ATP1B3: variants seen among roughly 807,000 people sequenced by gnomAD.
The protein encoded by ATP1B3 is sodium/potassium-transporting ATPase subunit beta-3.
Under a neutral mutation model 30.2 loss-of-function variants are expected in ATP1B3, and 10 were observed. The observed-to-expected ratio is 0.33, with a 90% confidence interval of 0.20 to 0.56. The LOEUF (loss-of-function observed/expected upper bound fraction) is 0.56, where lower values mean the gene tolerates loss of function less well. Ranked by LOEUF, ATP1B3 falls within the 20% of genes least tolerant of loss-of-function variation. ATP1B3 has a pLI of 0.90. For missense variants in ATP1B3, 238 were observed against 336.7 expected (o/e 0.71, Z 2.29); for synonymous variants, 113 against 117.0 (o/e 0.97, Z 0.22).
At chr3:141,895,449 C>G (rs1228063903) in intron 1 of ATP1B3, among the ~76,000 whole-genome samples, 1 of 152,116 alleles carries the variant, frequency 6.6e-6, no homozygotes, top group Non-Finnish European at 1.5e-5. Context: ...CTCAGCCTCT[C>G]AAAGTACTGG....
chr3:141,901,339 G>T (rs1034002448), intron 1 of ATP1B3, among the ~76,000 whole-genome samples: 2 of 152,124 alleles, frequency 1.3e-5, no homozygotes, highest in Non-Finnish European at 2.9e-5. Flanking sequence ...TTTACACCTG[G>T]GTAAGAGCAG....
At position 141,888,272 on chromosome 3, in the gene ATP1B3, C is replaced by G. The variant is rs183309605; in HGVS notation, c.109+11362C>G. ...TATGAATACATTCGTGTGTTTCTCT[C>G]TACCTCCTTCACCAGTCTCAGAGTG... On this transcript the variant is annotated intron_variant, in intron 1 of 6. Coordinates refer to ENST00000286371, the MANE Select transcript of ATP1B3 (RefSeq NM_001679.4). Among the ~76,000 whole-genome samples the G allele has an allele frequency of 2.9e-3, 436 of 152,284 alleles. 3 individuals are homozygous for G. Among genetic ancestry groups the G allele is most frequent in the African/African-American group, 1.0e-2 (414 of 41,556 alleles).
At chr3:141,895,188 C>CTTT (rs1176839559) in intron 1 of ATP1B3, among the ~76,000 whole-genome samples, 1 of 121,436 alleles carries the variant, frequency 8.2e-6, no homozygotes, top group Non-Finnish European at 1.8e-5. Context: ...TCTTTCTTTT[C>CTTT]TTTTTTTTTT....
At chr3:141,905,302 T>C (rs1934242894) in intron 2 of ATP1B3, among the ~76,000 whole-genome samples, 1 of 152,086 alleles carries the variant, frequency 6.6e-6, no homozygotes, top group South Asian at 2.1e-4. Flanking sequence ...CACTGAGTCA[T>C]ATGGCAGCGT....
intron 1 of ATP1B3, among the ~76,000 whole-genome samples, chr3:141,895,183 CTT>C (rs1284195490): frequency 6.8e-5 from 9 of 133,030 alleles, no homozygotes; most frequent in Admixed American, 1.5e-4. Context: ...TTTTTTCTTT[CTT>C]TTCTTTTTTT....
chr3:141,913,878 TTC>T, intron 4 of ATP1B3, 42 bp downstream of exon 4: 5 of 1,538,298 alleles, frequency 3.3e-6, no homozygotes, highest in Non-Finnish European at 4.4e-6. Flanking sequence ...TTTTCTAATA[TTC>T]TCTTTTAAGG....
intron 1 of ATP1B3, among the ~76,000 whole-genome samples, chr3:141,897,064 G>A (rs1408500190): frequency 6.6e-6 from 1 of 152,084 alleles, no homozygotes; most frequent in Non-Finnish European, 1.5e-5. Context: ...CAAGCTCCCT[G>A]TTCCCACTTC....
At chr3:141,913,609 C>T (rs757179372) in intron 3 of ATP1B3, 43 bp from the exon 4 acceptor site, 2 of 1,481,646 alleles carry the variant, frequency 1.3e-6, no homozygotes, top group Non-Finnish European at 9.0e-7. Context: ...GTTTTTAGTA[C>T]CTTTTTTGGC....
At chr3:141,900,303 A>G (rs374463335) in intron 1 of ATP1B3, among the ~76,000 whole-genome samples, 22 of 152,220 alleles carry the variant, frequency 1.4e-4, no homozygotes, top group African/African-American at 5.1e-4. Flanking sequence ...GGTTTAGTCA[A>G]TCATACCTAC....
At chr3:141,919,522 A>G (rs950853889) in intron 5 of ATP1B3, among the ~76,000 whole-genome samples, 3 of 152,240 alleles carry the variant, frequency 2.0e-5, no homozygotes, top group Admixed American at 6.5e-5. Context: ...ATGAAAATGA[A>G]TCATACTAAG....
At chr3:141,908,045 T>C (rs1019624659) in intron 3 of ATP1B3, among the ~76,000 whole-genome samples, 1 of 149,584 alleles carries the variant, frequency 6.7e-6, no homozygotes, top group Non-Finnish European at 1.5e-5. Context: ...GAAGGAAGAA[T>C]CTTTTTTTTT....
intron 1 of ATP1B3, among the ~76,000 whole-genome samples, chr3:141,901,125 A>G (rs1559869129): frequency 6.6e-6 from 1 of 152,170 alleles, no homozygotes; most frequent in Non-Finnish European, 1.5e-5. Flanking sequence ...ATTTCTTGAA[A>G]GATTTTAAAC....
intron 1 of ATP1B3, chr3:141,902,132 A>G (rs1470448051): frequency 2.3e-6 from 3 of 1,289,740 alleles, no homozygotes; most frequent in Non-Finnish European, 2.0e-6. Flanking sequence ...TTTTTCTGCA[A>G]CAGGATCGCA....
chr3:141,882,897 T>G (rs1317284941), intron 1 of ATP1B3, among the ~76,000 whole-genome samples: 2 of 152,216 alleles, frequency 1.3e-5, no homozygotes, highest in African/African-American at 4.8e-5. Context: ...CATGAGTTTT[T>G]AATGTTCTTA....
At chr3:141,876,979 G>T in intron 1 of ATP1B3, 69 bp downstream of exon 1, 1 of 1,254,942 alleles carries the variant, frequency 8.0e-7, no homozygotes, top group East Asian at 3.0e-5. Context: ...GGTCTGGTGG[G>T]AACGGAAAGG....
intron 5 of ATP1B3, among the ~76,000 whole-genome samples, chr3:141,920,869 C>T (rs574098569): frequency 3.0e-3 from 460 of 152,272 alleles, no homozygotes; most frequent in African/African-American, 0.01. Context: ...ATCATTAGAG[C>T]TTGTCTGGTG....
Position 141,918,449 on chromosome 3 carries a change from C to CT in ATP1B3, c.582+2442dup, listed in dbSNP as rs551426376. 375 of 145,226 alleles carry CT rather than the reference C, an allele frequency of 2.6e-3. 1 individual carries two copies. Among genetic ancestry groups the CT allele is most frequent in the African/African-American group, 5.6e-3 (224 of 39,810 alleles). 9.0% of individuals were successfully genotyped at this position (145,226 alleles called of 1,614,324 possible). ...TATAAACAATTCCATATACCTCTCC[C>CT]TTTTTTTTTTTTTGAGACGGAGTCT... On this transcript the variant is annotated intron_variant, in intron 5 of 6. Transcript: ENST00000286371.
chr3:141,876,663 G>T lies in ATP1B3; in HGVS notation c.-139G>T. On this transcript the variant is annotated 5_prime_UTR_variant, in exon 1 of 7. Coordinates refer to ENST00000286371, the MANE Select transcript of ATP1B3 (RefSeq NM_001679.4). ...GGCGCAGTCGGCTCGAGTACTCCCCGTAACGAGGAGGTGTTCTCGGCCGTC... is the reference window on the plus strand; with the variant it reads ...GGCGCAGTCGGCTCGAGTACTCCCCTTAACGAGGAGGTGTTCTCGGCCGTC... 5.5e-6 allele frequency: 3 copies of T among 544,298 alleles called. No individual in the cohort carries two copies. The highest frequency in any genetic ancestry group is 4.1e-5 in the East Asian group (1 of 24,442). The allele number at this position is 544,298 out of a possible 1,614,324, so 33.7% of individuals were successfully genotyped here.
chr3:141,924,585 G>A (rs995065330), intron 6 of ATP1B3, among the ~76,000 whole-genome samples: 1 of 152,116 alleles, frequency 6.6e-6, no homozygotes, highest in Non-Finnish European at 1.5e-5. Context: ...GGAGGTGGAG[G>A]TTGCAATGAG....
Sources: gnomAD v4.1 joint callset for allele counts (sites outside exome capture counted in the v4.1 genomes callset) on GRCh38, gnomAD v4.1.1 for gene constraint, MANE v1.5 for transcripts, NCBI Gene and HGNC (gene_info 2026-07-23, HGNC 2026-07-21) for gene names.